The following VWDE variants were observed in gnomAD, a reference collection of about 807,000 sequenced individuals.
The protein encoded by VWDE is von Willebrand factor D and EGF domain-containing protein.
Under a neutral mutation model 178.4 loss-of-function variants are expected in VWDE, and 207 were observed. The observed-to-expected ratio is 1.16, with a 90% CI of 1.04 to 1.30. The LOEUF (loss-of-function observed/expected upper bound fraction) is 1.30, where lower values mean the gene tolerates loss of function less well. VWDE is among the 50% of genes most tolerant of loss of function. The pLI, the probability that VWDE is intolerant of heterozygous loss-of-function variation, is 0.00. For synonymous variants in VWDE, 738 were observed against 651.4 expected (o/e 1.13, Z -2.02); for missense variants, 2,287 against 1,901.3 (o/e 1.20, Z -3.77).
At chr7:12,340,676 G>T (rs866888338) in intron 23 of VWDE, among the ~76,000 whole-genome samples, 1 of 152,162 alleles carries the variant, frequency 6.6e-6, no homozygotes, top group Non-Finnish European at 1.5e-5. Context: ...TTAAAGTGGC[G>T]GTGTTTGTCC....
intron 17 of VWDE, 139 bp downstream of exon 17, chr7:12,357,126 C>A (rs73678119): frequency 1.8e-6 from 2 of 1,106,710 alleles, no homozygotes; most frequent in Non-Finnish European, 2.5e-6. Flanking sequence ...GTCAAAGTTT[C>A]GGCAGTTTAA....
chr7:12,369,892 C>T lies in VWDE; in HGVS notation c.2414G>A (p.Ser805Asn). 20 of 1,551,460 alleles carry T rather than the reference C, an allele frequency of 1.3e-5. No homozygotes were observed. The highest frequency in any genetic ancestry group is 1.7e-5 in the Non-Finnish European group (20 of 1,146,884). Residue 805 changes from serine (S) to asparagine (N), a missense_variant, in exon 12 of 29, where the codon AGC becomes AAC. Coordinates refer to ENST00000275358, the MANE Select transcript of VWDE (RefSeq NM_001135924.3). ...AGTCTCCTGACAGAGGGTCAAGGTG[C>T]TATACTCGGTGAGGCCAGAGGGAGT... ...WPTPSGLTEY[S>N]TLTLCQETLA...
At chr7:12,345,130 T>A (rs1045905389) in intron 19 of VWDE, among the ~76,000 whole-genome samples, 1 of 152,068 alleles carries the variant, frequency 6.6e-6, no homozygotes, top group South Asian at 2.1e-4. Flanking sequence ...CAGAAAGTAC[T>A]CAAATATATT....
Position 12,403,702 on chromosome 7 carries a change from G to A in VWDE, c.15C>T (p.Ala5=), listed in dbSNP as rs771822607. The A allele has an allele frequency of 6.5e-7, 1 of 1,549,496 alleles. No individual in the cohort carries two copies. Among genetic ancestry groups the A allele is most frequent in the South Asian group, 1.2e-5 (1 of 84,030 alleles). The change falls in exon 1 of 29, where the codon GCC becomes GCT. Residue 5 remains alanine, a synonymous_variant. Coordinates refer to ENST00000275358, the MANE Select transcript of VWDE (RefSeq NM_001135924.3). MPGG[A]CVLVIALMFL... is the part of the protein sequence containing the mutation. Reference sequence around the variant, plus strand: ...ACATCAGCGCGATCACCAGCACGCAGGCTCCGCCAGGCATCGCTGCTTCCG... The same window carrying A: ...ACATCAGCGCGATCACCAGCACGCAAGCTCCGCCAGGCATCGCTGCTTCCG...
Position 12,356,102 on chromosome 7 carries a change from A to G in VWDE, c.3745+9T>C. 6.5e-7 allele frequency: 1 copy of G among 1,549,916 alleles called. No individual in the cohort carries two copies. On this transcript the variant is annotated intron_variant, in intron 18 of 28. Transcript: ENST00000275358. ...TCTTTCTAATTTGTTATGAGGAGCA[A>G]AATCTTACCTTTGAGCTCAGGTGGA... is the stretch of plus-strand genomic sequence containing the variant.
intron 19 of VWDE, among the ~76,000 whole-genome samples, chr7:12,346,253 C>T (rs1258352194): frequency 6.6e-6 from 1 of 152,036 alleles, no homozygotes; most frequent in Non-Finnish European, 1.5e-5. Flanking sequence ...TGTTGATCAC[C>T]TCATACACAT....
intron 19 of VWDE, 72 bp from the exon 20 acceptor site, chr7:12,344,541 T>C (rs538601768): frequency 8.2e-7 from 1 of 1,212,220 alleles, no homozygotes; most frequent in Admixed American, 2.4e-5. Flanking sequence ...GACTTAGTTA[T>C]GATAGAAGCA....
intron 25 of VWDE, 44 bp from the exon 26 acceptor site, chr7:12,337,127 T>C (rs1483455714): frequency 6.4e-7 from 1 of 1,551,396 alleles, no homozygotes; most frequent in East Asian, 2.4e-5. Flanking sequence ...ATTCAACAGT[T>C]TTGTCTTGGC....
chr7:12,371,142 A>G (rs141389627), intron 10 of VWDE, among the ~76,000 whole-genome samples: 7 of 152,276 alleles, frequency 4.6e-5, no homozygotes, highest in African/African-American at 1.7e-4. Flanking sequence ...AAAATAAGAT[A>G]ATTTATACAA....
chr7:12,346,910 G>T (rs55717500), intron 19 of VWDE, among the ~76,000 whole-genome samples: 2,451 of 152,038 alleles, frequency 0.016, 60 homozygotes, highest in African/African-American at 0.057. Context: ...AAAGACAGAA[G>T]AAAATGAACC....
In VWDE at chr7:12,337,277, A is replaced by C. The variant is rs1380924660; in HGVS notation, c.4367-5T>G. 6.4e-7 allele frequency: 1 copy of C among 1,551,150 alleles called. No individual in the cohort carries two copies. ...TACAGGGAGGGTGACAGAAAGCTAA[A>C]AGAACACATGGCAGCAATCTGTGAA... On this transcript the variant is annotated splice_polypyrimidine_tract_variant and splice_region_variant and intron_variant, in intron 24 of 28. Coordinates refer to ENST00000275358, the MANE Select transcript of VWDE (RefSeq NM_001135924.3).
At position 12,359,669 on chromosome 7, in the gene VWDE, T is replaced by C. The variant is rs1410849850; in HGVS notation, c.3183A>G (p.Gly1061=). ...TTTTGTCTCCTTCAACATAGCAGAG[T>C]CCATCAATAATGCAAACATTTTCCT... is the stretch of plus-strand genomic sequence containing the variant. ...TIKENVCIID[G]LCYVEGDKNP... The change falls in exon 16 of 29, where the codon GGA becomes GGG. Residue 1061 remains glycine (G), a synonymous_variant. Coordinates refer to ENST00000275358, the MANE Select transcript of VWDE (RefSeq NM_001135924.3). The C allele has an allele frequency of 6.5e-6, 10 of 1,547,008 alleles. No homozygotes were observed. Among genetic ancestry groups the C allele is most frequent in the African/African-American group, 1.4e-5 (1 of 72,694 alleles).
rs997742885 is a variant in VWDE, at chr7:12,373,248, C to T, written c.1317-1G>A. 3.4e-5 allele frequency: 52 copies of T among 1,548,688 alleles called. No individual in the cohort carries two copies. The African/African-American group carries it at 7.0e-4, about 21-fold the overall frequency. On this transcript the variant is annotated splice_acceptor_variant, in intron 9 of 28. Coordinates refer to ENST00000275358, the MANE Select transcript of VWDE (RefSeq NM_001135924.3). LOFTEE classifies it high-confidence loss of function. ...TCCAGTCTTGAAATTATCATATACC[C>T]TATCATTAACAAAAGGCAATTGCAT...
chr7:12,341,289 G>T (rs1405213102), intron 23 of VWDE, among the ~76,000 whole-genome samples: 1 of 152,150 alleles, frequency 6.6e-6, no homozygotes, highest in African/African-American at 2.4e-5. Flanking sequence ...AAAGTCATTA[G>T]ATTATAATGA....
chr7:12,342,457 A>T (rs533368875), intron 22 of VWDE, among the ~76,000 whole-genome samples: 2 of 152,224 alleles, frequency 1.3e-5, no homozygotes, highest in East Asian at 3.9e-4. Context: ...ACATAAATTT[A>T]AAAAGAAATT....
At position 12,370,414 on chromosome 7, in the gene VWDE, G is replaced by A. The variant is rs375777889; in HGVS notation, c.1892C>T (p.Ala631Val). Residue 631 changes from alanine (A) to valine (V), a missense_variant, in exon 12 of 29, where the codon GCG becomes GTG. Ala to Val is a moderately conservative substitution (Grantham distance 64). Coordinates refer to ENST00000275358, the MANE Select transcript of VWDE (RefSeq NM_001135924.3). ...SYCSCSLDTAAYPSSEDLDSV... is the reference protein window; with the variant it reads ...SYCSCSLDTAVYPSSEDLDSV... The stretch of plus-strand genomic sequence containing the variant: ...GTCCAGATCTTCGGAAGACGGATAC[G>A]CTGCAGTGTCCAATGAACAGCTACA... 95 of 1,546,986 alleles carry A rather than the reference G, an allele frequency of 6.1e-5. No homozygotes were observed. In the East Asian group the frequency reaches 1.8e-3, roughly 29 times the overall value.
At chr7:12,354,354 G>A (rs1208460751) in intron 18 of VWDE, 2 of 420,642 alleles carry the variant, frequency 4.8e-6, no homozygotes, top group East Asian at 7.4e-5. Context: ...TTTTACCATG[G>A]CATATTTTTC....
intron 6 of VWDE, among the ~76,000 whole-genome samples, chr7:12,378,883 GAGTCC>G (rs1486606272): frequency 6.6e-6 from 1 of 152,202 alleles, no homozygotes; most frequent in East Asian, 1.9e-4. Context: ...GGTCAAACTC[GAGTCC>G]TGTGGGTGAG....
At chr7:12,354,538 G>A (rs373096882) in intron 18 of VWDE, 14 of 293,852 alleles carry the variant, frequency 4.8e-5, no homozygotes, top group South Asian at 3.4e-4. Context: ...GAAAAACATC[G>A]TATGTCCAAT....
Sources: gnomAD v4.1 joint callset for allele counts (sites outside exome capture counted in the v4.1 genomes callset) on GRCh38, gnomAD v4.1.1 for gene constraint, MANE v1.5 for transcripts, NCBI Gene and HGNC (gene_info 2026-07-23, HGNC 2026-07-21) for gene names.